TBC1D5: variants seen among roughly 807,000 people sequenced by gnomAD.
TBC1D5 encodes TBC1 domain family member 5, also known as TBC1 domain family, member 5.
Under a neutral mutation model 100.3 loss-of-function variants are expected in TBC1D5, and 75 were observed. The ratio of observed to expected loss-of-function variants is 0.75; its 90% CI spans 0.62 to 0.91. The LOEUF (loss-of-function observed/expected upper bound fraction) is 0.91. Among genes scored for constraint, TBC1D5 ranks in the 40% least tolerant of loss-of-function variants. The pLI, the probability that TBC1D5 is intolerant of heterozygous loss-of-function variation, is 0.00. For missense variants in TBC1D5, 910 were observed against 942.4 expected (o/e 0.97, Z 0.45); for synonymous variants, 323 against 325.6 (o/e 0.99, Z 0.09).
intron 8 of TBC1D5, among the ~76,000 whole-genome samples, chr3:17,397,625 C>A (rs1044134129): frequency 1.3e-5 from 2 of 152,164 alleles, no homozygotes; most frequent in East Asian, 3.9e-4. Context: ...GATCCTCCTG[C>A]CTTGGCCTCC....
chr3:17,258,252 CA>C (rs1312317973), intron 16 of TBC1D5, among the ~76,000 whole-genome samples: 1 of 152,070 alleles, frequency 6.6e-6, no homozygotes, highest in Non-Finnish European at 1.5e-5. Context: ...CAAGTTTATT[CA>C]TGTTAGAAAA....
intron 1 of TBC1D5, among the ~76,000 whole-genome samples, chr3:17,703,926 T>C (rs1489574391): frequency 6.7e-6 from 1 of 149,820 alleles, no homozygotes; most frequent in Non-Finnish European, 1.5e-5. Context: ...TTTTTTTTTT[T>C]TAATTTATTT....
intron 7 of TBC1D5, 76 bp downstream of exon 7, chr3:17,404,618 G>T: frequency 7.7e-7 from 1 of 1,298,898 alleles, no homozygotes; most frequent in Non-Finnish European, 1.1e-6. Flanking sequence ...TTGCTTTCAT[G>T]GTGACTGGCA....
Position 17,475,791 on chromosome 3 carries a change from C to T in TBC1D5, c.97+32683G>A, listed in dbSNP as rs116153198. ...TTGATGCAGATATGCAATAGTTTCC[C>T]TGTGTTCCTAGGGTATGGTCATATT... On this transcript the variant is annotated intron_variant, in intron 3 of 21. Transcript: ENST00000253692. Among the ~76,000 whole-genome samples the T allele has an allele frequency of 5.1e-3, 773 of 152,172 alleles. 4 individuals carry two copies. The highest frequency in any genetic ancestry group is 0.017 in the African/African-American group (718 of 41,538).
chr3:17,727,504 C>A (rs2076223236), intron 1 of TBC1D5, among the ~76,000 whole-genome samples: 1 of 152,084 alleles, frequency 6.6e-6, no homozygotes, highest in East Asian at 1.9e-4. Flanking sequence ...TCATAAGAAA[C>A]AATAACAAAA....
chr3:17,361,601 A>G (rs1206123386), intron 13 of TBC1D5, among the ~76,000 whole-genome samples: 4 of 152,074 alleles, frequency 2.6e-5, no homozygotes, highest in Non-Finnish European at 2.9e-5. Flanking sequence ...AGATATCAGA[A>G]TAATTCCCCA....
At chr3:17,531,669 G>C (rs1251597343) in intron 2 of TBC1D5, among the ~76,000 whole-genome samples, 1 of 152,172 alleles carries the variant, frequency 6.6e-6, no homozygotes, top group Non-Finnish European at 1.5e-5. Context: ...AGAGCCCTCA[G>C]AAATAATGCC....
At chr3:17,306,141 C>T (rs1328378562) in intron 14 of TBC1D5, among the ~76,000 whole-genome samples, 3 of 152,264 alleles carry the variant, frequency 2.0e-5, no homozygotes, top group African/African-American at 2.4e-5. Context: ...GCTGTTCCTT[C>T]TGTCTTGTAT....
At chr3:17,411,142 A>C (rs1253850651) in intron 4 of TBC1D5, among the ~76,000 whole-genome samples, 1 of 152,044 alleles carries the variant, frequency 6.6e-6, no homozygotes, top group African/African-American at 2.4e-5. Flanking sequence ...CCACAACAAC[A>C]AGGCAAGACC....
At chr3:17,498,284 G>C (rs1165326777) in intron 3 of TBC1D5, among the ~76,000 whole-genome samples, 2 of 151,914 alleles carry the variant, frequency 1.3e-5, no homozygotes, top group African/African-American at 4.8e-5. Context: ...AAAAATGATT[G>C]CAAGTTTCAA....
At chr3:17,291,193 T>G (rs1490980019) in intron 15 of TBC1D5, among the ~76,000 whole-genome samples, 1 of 152,244 alleles carries the variant, frequency 6.6e-6, no homozygotes, top group Non-Finnish European at 1.5e-5. Flanking sequence ...TCTCTCATAC[T>G]TCTTCCAATA....
At chr3:17,330,267 G>C (rs2086707372) in intron 13 of TBC1D5, among the ~76,000 whole-genome samples, 1 of 152,052 alleles carries the variant, frequency 6.6e-6, no homozygotes, top group East Asian at 1.9e-4. Flanking sequence ...TAACATCTAT[G>C]AGGCGAAACT....
chr3:17,392,761 T>A (rs575688824), intron 8 of TBC1D5, among the ~76,000 whole-genome samples: 2 of 152,162 alleles, frequency 1.3e-5, no homozygotes, highest in African/African-American at 4.8e-5. Context: ...ATCTAGTCTA[T>A]CTTTGATGGG....
At chr3:17,356,513 A>T (rs1001042293) in intron 13 of TBC1D5, among the ~76,000 whole-genome samples, 18 of 152,212 alleles carry the variant, frequency 1.2e-4, no homozygotes, top group Admixed American at 7.9e-4. Context: ...CTCAATAATG[A>T]CCTGAACAGT....
chr3:17,458,816 T>C (rs937981592), intron 3 of TBC1D5, among the ~76,000 whole-genome samples: 8 of 152,236 alleles, frequency 5.3e-5, no homozygotes, highest in East Asian at 1.9e-4. Context: ...ACTACTTATA[T>C]TTAACTCTAT....
intron 15 of TBC1D5, among the ~76,000 whole-genome samples, chr3:17,267,344 G>T (rs561215647): frequency 5.9e-5 from 9 of 151,564 alleles, no homozygotes; most frequent in Non-Finnish European, 1.3e-4. Context: ...GCTCTTTTCA[G>T]TAGTACTGAA....
chr3:17,654,474 A>G (rs985525065), intron 1 of TBC1D5, among the ~76,000 whole-genome samples: 11 of 152,218 alleles, frequency 7.2e-5, no homozygotes, highest in African/African-American at 2.7e-4. Context: ...AATGAAACCC[A>G]TACATTGAAC....
At chr3:17,274,494 C>T (rs2596674) in intron 15 of TBC1D5, among the ~76,000 whole-genome samples, 64,200 of 151,664 alleles carry the variant, frequency 0.42, 14,274 homozygotes, top group Middle Eastern at 0.5. Context: ...AAGTGGAATA[C>T]ATAATAGAAA....
intron 2 of TBC1D5, 29 bp downstream of exon 2, chr3:17,623,820 T>G (rs1206663568): frequency 6.6e-6 from 1 of 152,180 alleles, no homozygotes; most frequent in Non-Finnish European, 1.5e-5. Flanking sequence ...TGACAGCTGA[T>G]CAAAATCATT....
Sources: allele counts gnomAD v4.1 joint callset (sites outside exome capture counted in the v4.1 genomes callset), GRCh38; gene constraint gnomAD v4.1.1; transcripts MANE v1.5; gene names NCBI Gene and HGNC (gene_info 2026-07-23, HGNC 2026-07-21).